Variants in ZW10 observed in about 807,000 individuals in gnomAD.
ZW10 encodes the protein zw10 kinetochore protein.
Under a neutral mutation model 87.8 loss-of-function variants are expected in ZW10, and 53 were observed. The ratio of observed to expected loss-of-function variants is 0.60; its 90% CI spans 0.48 to 0.76. The LOEUF is 0.76. ZW10 is among the 30% of genes least tolerant of loss of function. The probability of loss-of-function intolerance (pLI) is 0.00; values close to 1 mark genes in which losing one functional copy is unlikely to be tolerated. For missense variants in ZW10, 837 were observed against 923.0 expected (o/e 0.91, Z 1.21); for synonymous variants, 312 against 329.2 (o/e 0.95, Z 0.57).
chr11:113,752,652 T>C (rs1953745463), intron 7 of ZW10, among the ~76,000 whole-genome samples: 1 of 152,214 alleles, frequency 6.6e-6, no homozygotes, highest in Admixed American at 6.5e-5. Context: ...TGTAAGACAG[T>C]GAACTTAACA....
At chr11:113,752,752 G>T (rs1953746893) in intron 7 of ZW10, among the ~76,000 whole-genome samples, 1 of 152,048 alleles carries the variant, frequency 6.6e-6, no homozygotes, top group Non-Finnish European at 1.5e-5. Flanking sequence ...ATCTCCTAGG[G>T]TTTCCCTATT....
At chr11:113,736,888 G>T in intron 14 of ZW10, 66 bp from the exon 15 acceptor site, 1 of 1,494,010 alleles carries the variant, frequency 6.7e-7, no homozygotes, top group Non-Finnish European at 9.3e-7. Context: ...GGAAAGGGCA[G>T]CAGATCTTTG....
At chr11:113,750,247 T>G (rs544498041) in intron 7 of ZW10, among the ~76,000 whole-genome samples, 16 of 152,028 alleles carry the variant, frequency 1.1e-4, no homozygotes, top group African/African-American at 3.6e-4. Flanking sequence ...CAGCTGCAAT[T>G]TGCTACAACA....
chr11:113,753,396 T>C (rs1953753445), intron 7 of ZW10, among the ~76,000 whole-genome samples: 1 of 152,024 alleles, frequency 6.6e-6, no homozygotes, highest in African/African-American at 2.4e-5. Context: ...TGGAGAAAGT[T>C]TTGTTTTTTG....
Position 113,773,688 on chromosome 11 carries a change from T to A in ZW10, c.-22A>T, listed in dbSNP as rs771762346. The stretch of plus-strand genomic sequence containing the variant: ...CCATGGCCAAGACGGGAACCAACGC[T>A]GACTGGGTCACTCTCGTAGCCAGCG... On this transcript the variant is annotated 5_prime_UTR_variant, in exon 1 of 16. Transcript: ENST00000200135. 6.2e-7 allele frequency: 1 copy of A among 1,606,304 alleles called. No homozygotes were observed. The highest frequency in any genetic ancestry group is 1.3e-5 in the African/African-American group (1 of 74,596).
chr11:113,747,985 A>G (rs1953698326), intron 8 of ZW10, among the ~76,000 whole-genome samples: 1 of 152,232 alleles, frequency 6.6e-6, no homozygotes, highest in Non-Finnish European at 1.5e-5. Context: ...ACTAAAAAGA[A>G]GCAAAAAGTA....
At chr11:113,770,764 G>A (rs1159109228) in intron 1 of ZW10, among the ~76,000 whole-genome samples, 1 of 150,596 alleles carries the variant, frequency 6.6e-6, no homozygotes, top group East Asian at 2.0e-4. Context: ...ATTGCAGTGA[G>A]CCAATAACTC....
intron 7 of ZW10, among the ~76,000 whole-genome samples, chr11:113,755,674 C>A (rs1164948131): frequency 6.6e-6 from 1 of 152,174 alleles, no homozygotes; most frequent in Non-Finnish European, 1.5e-5. Flanking sequence ...TGCTATCAAA[C>A]AGCACTGCAT....
At chr11:113,751,394 A>G (rs1197922154) in intron 7 of ZW10, 1 of 154,456 alleles carries the variant, frequency 6.5e-6, no homozygotes, top group African/African-American at 2.4e-5. Context: ...TTGCAAAGAA[A>G]TATTATCAAT....
chr11:113,745,643 A>G (rs1303872247), intron 9 of ZW10, among the ~76,000 whole-genome samples: 2 of 152,338 alleles, frequency 1.3e-5, no homozygotes, highest in South Asian at 2.1e-4. Context: ...GCCTGGATAC[A>G]TAAGATTCGA....
chr11:113,734,675 G>C (rs753691601), intron 15 of ZW10, among the ~76,000 whole-genome samples: 11 of 151,944 alleles, frequency 7.2e-5, no homozygotes, highest in Non-Finnish European at 1.6e-4. Context: ...TGTGGTGATG[G>C]GCACCTTTAA....
chr11:113,750,321 G>A (rs1228686196), intron 7 of ZW10, among the ~76,000 whole-genome samples: 1 of 132,454 alleles, frequency 7.5e-6, no homozygotes, highest in Admixed American at 7.5e-5. Context: ...TTTTTTTTTT[G>A]AGATGAAGTT....
chr11:113,738,601 A>G (rs1953578266), intron 12 of ZW10, among the ~76,000 whole-genome samples: 1 of 152,162 alleles, frequency 6.6e-6, no homozygotes, highest in Non-Finnish European at 1.5e-5. Flanking sequence ...CCTCCAGATA[A>G]TATTTTCCAG....
intron 15 of ZW10, 152 bp downstream of exon 15, chr11:113,736,468 T>C: frequency 5.7e-6 from 4 of 702,986 alleles, no homozygotes; most frequent in South Asian, 5.3e-5. Flanking sequence ...TGCATTATGA[T>C]AGATCATGAA....
chr11:113,733,805 A>T lies in ZW10; in HGVS notation c.2229T>A (p.Asp743Glu). 6.2e-7 allele frequency: 1 copy of T among 1,603,440 alleles called. No individual in the cohort carries two copies. Among genetic ancestry groups the T allele is most frequent in the East Asian group, 2.2e-5 (1 of 44,538 alleles). The change falls in exon 16 of 16, where the codon GAT (aspartate) becomes GAA (glutamate). Residue 743 changes from aspartate to glutamate, a missense_variant. Asp to Glu is a conservative substitution (Grantham distance 45). Coordinates refer to ENST00000200135, the MANE Select transcript of ZW10 (RefSeq NM_004724.4). ...SLQEIGDRWA[D>E]GKGPLAAAFS... The stretch of plus-strand genomic sequence containing the variant: ...ACGCAGCTGCCAGGGGTCCTTTTCC[A>T]TCTGCCCACCTGCAAAACGAAAGAT...
Position 113,770,645 on chromosome 11 carries a change from C to G in ZW10, c.106-1678G>C, listed in dbSNP as rs1416945914. 7 of 151,134 alleles carry G rather than the reference C, an allele frequency of 4.6e-5. No homozygotes were observed. In the East Asian group the frequency reaches 1.4e-3, roughly 31 times the overall value. 9.4% of individuals were successfully genotyped at this position (151,134 alleles called of 1,614,324 possible). ...TAGCCTGGCCAACATGGTGAAAACC[C>G]ATCTCTACTAAAATACAAATAAATT... On this transcript the variant is annotated intron_variant, in intron 1 of 15. Coordinates refer to ENST00000200135, the MANE Select transcript of ZW10 (RefSeq NM_004724.4).
chr11:113,745,301 TAA>T (rs752867760), intron 9 of ZW10, among the ~76,000 whole-genome samples: 75 of 140,420 alleles, frequency 5.3e-4, no homozygotes, highest in Non-Finnish European at 5.1e-4. Flanking sequence ...CTTCAGGGAT[TAA>T]AAAAAAAAAA....
In ZW10 at chr11:113,757,843, C is replaced by T. The variant is rs749801706; in HGVS notation, c.744G>A (p.Leu248=). Residue 248 remains leucine, a synonymous_variant, in exon 7 of 16, where the codon CTG becomes CTA. Transcript: ENST00000200135. The part of the protein sequence containing the change: ...HSKLKSFGQM[L]LKYILRPLAS... ...CCAGCGGCCTAAGGATATACTTCAG[C>T]AGCATCTGACCTGAAAAATCATATG... The T allele has an allele frequency of 6.3e-7, 1 of 1,595,844 alleles. No homozygotes were observed. Among genetic ancestry groups the T allele is most frequent in the South Asian group, 1.1e-5 (1 of 88,712 alleles).
chr11:113,772,366 G>C (rs1296717234), intron 1 of ZW10, among the ~76,000 whole-genome samples: 1 of 152,158 alleles, frequency 6.6e-6, no homozygotes, highest in African/African-American at 2.4e-5. Context: ...AGAGATGTCA[G>C]GGATATGACT....
Sources: allele counts gnomAD v4.1 joint callset (sites outside exome capture counted in the v4.1 genomes callset), GRCh38; gene constraint gnomAD v4.1.1; transcripts MANE v1.5; gene names NCBI Gene and HGNC (gene_info 2026-07-23, HGNC 2026-07-21).